EGF: variants seen among roughly 807,000 people sequenced by gnomAD.
EGF encodes epidermal growth factor, also known as pro-epidermal growth factor.
In EGF, 95 loss-of-function variants were observed where a neutral mutation model predicts 143.8. That is an observed-to-expected ratio of 0.66 (90% CI 0.56 to 0.78). EGF has a LOEUF of 0.78. Among genes scored for constraint, EGF ranks in the 30% least tolerant of loss-of-function variants. EGF has a pLI of 0.00. For missense variants in EGF, 1,320 were observed against 1,470.9 expected, an observed-to-expected ratio of 0.90 and a Z score of 1.68; for synonymous variants, 510 against 510.5, an observed-to-expected ratio of 1.00 and a Z score of 0.01.
intron 18 of EGF, among the ~76,000 whole-genome samples, chr4:109,991,546 A>G (rs75168459): frequency 6.6e-6 from 1 of 152,276 alleles, no homozygotes; most frequent in Admixed American, 6.5e-5. Context: ...TCTTGCAGTA[A>G]TGTAAAATTG....
rs967447422 is a variant in EGF, at chr4:109,945,213, G to T, written c.878G>T (p.Gly293Val). 4 of 1,613,960 alleles carry T rather than the reference G, an allele frequency of 2.5e-6. No homozygotes were observed. The highest frequency in any genetic ancestry group is 3.4e-6 in the Non-Finnish European group (4 of 1,180,034). Residue 293 changes from glycine to valine, a missense_variant, in exon 5 of 24, where the codon GGT (glycine) becomes GTT (valine). Around this residue, in one of 5 missense-constraint regions of EGF, gnomAD observed 1,186 missense variants for 1,313.7 expected, o/e 0.90. Coordinates refer to ENST00000265171, the MANE Select transcript of EGF (RefSeq NM_001963.6). ...INLHSSFVPL[G>V]ELKVVHPLAQ... ...CTCCATTCATCATTTGTACCACTTG[G>T]TGAACTGAAAGTAGTGCATCCACTT...
At chr4:110,001,920 T>A (rs1270414795) in intron 21 of EGF, 1 of 985,348 alleles carries the variant, frequency 1.0e-6, no homozygotes, top group African/African-American at 1.7e-5. Flanking sequence ...CTGATCAGTG[T>A]ACCTGCTTAC....
chr4:109,968,699 T>TACCTACCTAC lies in EGF; in HGVS notation c.1576-272_1576-271insACCTACCTAC, dbSNP rs1560708073. 1.3e-5 allele frequency: 5 copies of TACCTACCTAC among 397,256 alleles called. No homozygotes were observed. In the East Asian group the frequency reaches 2.6e-4, roughly 21 times the overall value. 24.6% of individuals were successfully genotyped at this position (397,256 alleles called of 1,614,324 possible). Reference sequence around the variant, plus strand: ...ATCTATCTATCTATCTATCTATCTATCTATCTATCTACCTACCTACCTACC... The same window carrying TACCTACCTAC: ...ATCTATCTATCTATCTATCTATCTATACCTACCTACCTATCTATCTACCTACCTACCTACC... On this transcript the variant is annotated intron_variant, in intron 10 of 23. Transcript: ENST00000265171.
chr4:109,995,472 T>C (rs1047146640), intron 20 of EGF, among the ~76,000 whole-genome samples: 11 of 152,212 alleles, frequency 7.2e-5, no homozygotes, highest in Admixed American at 2.6e-4. Context: ...GGTTTCACAG[T>C]GGGTAACGTG....
chr4:109,935,865 T>G lies in EGF; in HGVS notation c.128-5081T>G, dbSNP rs539237530. ...ATTATGTTTATTGATTTGCGTATGT[T>G]GAACCAGTCTTGCATCCCAGGGGTG... is the stretch of plus-strand genomic sequence containing the variant. On this transcript the variant is annotated intron_variant, in intron 1 of 23. Coordinates refer to ENST00000265171, the MANE Select transcript of EGF (RefSeq NM_001963.6). 6.2e-4 allele frequency among the ~76,000 whole-genome samples: 95 copies of G among 152,346 alleles called. No individual in the cohort carries two copies. The Middle Eastern group carries it at 0.014, about 22-fold the overall frequency.
At chr4:110,011,028 T>G in intron 23 of EGF, among the ~76,000 whole-genome samples, 174 bp from the exon 24 acceptor site, 1 of 150,216 alleles carries the variant, frequency 6.7e-6, no homozygotes, top group African/African-American at 2.5e-5. Flanking sequence ...GATGACAGAG[T>G]GAGATGCTTA....
intron 5 of EGF, among the ~76,000 whole-genome samples, chr4:109,951,470 GT>G (rs149136756): frequency 0.019 from 2,904 of 152,116 alleles, 88 homozygotes; most frequent in African/African-American, 0.066. Context: ...GAGTACATAG[GT>G]TTTTTTGTTG....
Position 109,960,867 on chromosome 4 carries a change from A to G in EGF, c.1067A>G (p.Asp356Gly), listed in dbSNP as rs767243178. ...ALSRDRKYCE[D>G]VNECAFWNHG... ...GTATTGTGCTGTTGTCATTGTGCAG[A>G]TGTTAATGAATGTGCTTTTTGGAAT... Residue 356 changes from aspartate to glycine, a missense_variant and splice_region_variant, in exon 7 of 24, where the codon GAT becomes GGT. By Grantham distance (94) the Asp-to-Gly change is moderately conservative. Around this residue, in one of 5 missense-constraint regions of EGF, gnomAD observed 1,186 missense variants for 1,313.7 expected, o/e 0.90. Transcript: ENST00000265171. The G allele has an allele frequency of 6.2e-7, 1 of 1,613,898 alleles. No homozygotes were observed. Among genetic ancestry groups the G allele is most frequent in the Non-Finnish European group, 8.5e-7 (1 of 1,179,858 alleles).
At chr4:109,947,681 C>T (rs1407526470) in intron 5 of EGF, among the ~76,000 whole-genome samples, 1 of 152,188 alleles carries the variant, frequency 6.6e-6, no homozygotes, top group Non-Finnish European at 1.5e-5. Flanking sequence ...TGATGACTCA[C>T]AACAAAATCA....
chr4:109,943,855 T>C lies in EGF; in HGVS notation c.523T>C (p.Ser175Pro). The change falls in exon 4 of 24, where the codon TCT becomes CCT. Residue 175 changes from serine (S) to proline (P), a missense_variant. Coordinates refer to ENST00000265171, the MANE Select transcript of EGF (RefSeq NM_001963.6). Reference protein sequence around the residue: ...VDPVERFIFWSSEVAGSLYRA... With the variant: ...VDPVERFIFWPSEVAGSLYRA... ...GTTTGCCCTCAGGTTTATATTTTGG[T>C]CTTCAGAGGTGGCTGGAAGCCTTTA... is the stretch of plus-strand genomic sequence containing the variant. 1 of 1,614,208 alleles carries C rather than the reference T, an allele frequency of 6.2e-7. No homozygotes were observed.
intron 16 of EGF, among the ~76,000 whole-genome samples, chr4:109,984,677 C>A (rs114290846): frequency 2.2e-4 from 34 of 152,200 alleles, no homozygotes; most frequent in African/African-American, 8.0e-4. Context: ...AGTTCAAACC[C>A]GTGTTGTTCA....
At chr4:109,954,447 T>A (rs1430436161) in intron 5 of EGF, among the ~76,000 whole-genome samples, 1 of 152,204 alleles carries the variant, frequency 6.6e-6, no homozygotes, top group Non-Finnish European at 1.5e-5. Flanking sequence ...GTGGCTAAAT[T>A]CTGGCTAGGT....
chr4:109,975,661 A>G (rs549510405), intron 12 of EGF, among the ~76,000 whole-genome samples: 1 of 152,232 alleles, frequency 6.6e-6, no homozygotes, highest in African/African-American at 2.4e-5. Context: ...GCAAGATTTC[A>G]TTGCCTTTTT....
Position 110,004,633 on chromosome 4 carries a change from C to A in EGF, c.3291+11C>A. ...TGCCCTCAACCTTGGGTAATGTGAC[C>A]AAAGCAGATGAAGCAAGGAATTGGC... On this transcript the variant is annotated intron_variant, in intron 22 of 23. Coordinates refer to ENST00000265171, the MANE Select transcript of EGF (RefSeq NM_001963.6). 5.6e-6 allele frequency: 9 copies of A among 1,611,304 alleles called. No homozygotes were observed. Among genetic ancestry groups the A allele is most frequent in the Non-Finnish European group, 6.8e-6 (8 of 1,177,542 alleles).
intron 1 of EGF, among the ~76,000 whole-genome samples, chr4:109,922,807 T>C (rs1293658611): frequency 7.3e-5 from 11 of 151,648 alleles, no homozygotes; most frequent in Non-Finnish European, 1.6e-4. Flanking sequence ...ACCTCTTAGA[T>C]TGCTATGAGT....
intron 11 of EGF, among the ~76,000 whole-genome samples, chr4:109,973,122 A>G (rs1002682321): frequency 5.3e-5 from 8 of 152,198 alleles, no homozygotes; most frequent in Admixed American, 3.9e-4. Context: ...CTGTGGTCCC[A>G]CCTGCTGCAA....
intron 14 of EGF, 133 bp from the exon 15 acceptor site, chr4:109,980,693 T>G (rs757231617): frequency 2.1e-6 from 2 of 969,296 alleles, no homozygotes; most frequent in African/African-American, 3.2e-5. Flanking sequence ...GCTATTGATA[T>G]ACCCTCTATT....
chr4:109,961,861 A>G lies in EGF; in HGVS notation c.1190-2A>G. 1 of 1,613,700 alleles carries G rather than the reference A, an allele frequency of 6.2e-7. No homozygotes were observed. Among genetic ancestry groups the G allele is most frequent in the South Asian group, 1.1e-5 (1 of 91,084 alleles). ...ATCTTGACCTTGTTCTTTATTAATT[A>G]GAACTTGTTTCCTGTCCACGCAATG... On this transcript the variant is annotated splice_acceptor_variant, in intron 7 of 23. Transcript: ENST00000265171. LOFTEE classifies it high-confidence loss of function.
In EGF at chr4:110,012,136, C is replaced by T. The variant is rs954126384; in HGVS notation, c.*681C>T. ...CCTTTTCCCCTACAGAATTTTCCCT[C>T]TTGGTGTGATTGCACAGAATTTGTA... On this transcript the variant is annotated 3_prime_UTR_variant, in exon 24 of 24. Coordinates refer to ENST00000265171, the MANE Select transcript of EGF (RefSeq NM_001963.6). 4 of 152,178 alleles carry T rather than the reference C, an allele frequency of 2.6e-5. No individual in the cohort carries two copies. The highest frequency in any genetic ancestry group is 4.8e-5 in the African/African-American group (2 of 41,424). 9.4% of individuals were successfully genotyped at this position (152,178 alleles called of 1,614,324 possible).
Sources: allele counts gnomAD v4.1 joint callset (sites outside exome capture counted in the v4.1 genomes callset), GRCh38; gene constraint gnomAD v4.1.1; regional missense constraint gnomAD v4.1.1; transcripts MANE v1.5; gene names NCBI Gene and HGNC (gene_info 2026-07-23, HGNC 2026-07-21).